Variants in LYPD6 observed in about 807,000 individuals in gnomAD.
LYPD6 encodes LY6/PLAUR domain containing 6.
A neutral mutation model predicts 22.7 loss-of-function variants in LYPD6; 15 were observed. The observed-to-expected ratio is 0.66, with a 90% CI of 0.44 to 1.02. The LOEUF (loss-of-function observed/expected upper bound fraction) is 1.02, where lower values mean the gene tolerates loss of function less well. Ranked by LOEUF, LYPD6 falls within the 50% of genes least tolerant of loss-of-function variation. The probability of loss-of-function intolerance (pLI) is 0.00; values close to 1 mark genes in which losing one functional copy is unlikely to be tolerated. For synonymous variants in LYPD6, 72 were observed against 77.5 expected (o/e 0.93, Z 0.37); for missense variants, 189 against 208.4 (o/e 0.91, Z 0.57).
chr2:149,370,467 G>T (rs1681782782), intron 1 of LYPD6: 1 of 152,026 alleles, frequency 6.6e-6, no homozygotes, highest in African/African-American at 2.4e-5. Context: ...TATATAAGAG[G>T]CGTGAGGGTG....
At chr2:149,340,014 C>T (rs1004419817) in intron 1 of LYPD6, among the ~76,000 whole-genome samples, 1 of 152,080 alleles carries the variant, frequency 6.6e-6, no homozygotes, top group Non-Finnish European at 1.5e-5. Flanking sequence ...TAAAGGAATT[C>T]GTAAACCCAG....
chr2:149,465,121 T>C (rs1039147106), intron 3 of LYPD6, among the ~76,000 whole-genome samples: 2 of 152,114 alleles, frequency 1.3e-5, no homozygotes, highest in East Asian at 3.9e-4. Context: ...GGACAGAACA[T>C]GGGAGAATAT....
Position 149,359,566 on chromosome 2 carries a change from G to A in LYPD6, c.-72+28844G>A, listed in dbSNP as rs191936022. 7.9e-5 allele frequency among the ~76,000 whole-genome samples: 12 copies of A among 152,308 alleles called. No individual in the cohort carries two copies. In the East Asian group the frequency reaches 2.3e-3, roughly 29 times the overall value. ...TCTGCTTCACAGTTGGTGAAACCAA[G>A]GCCCTGACTTGACATCACTTGAGTG... On this transcript the variant is annotated intron_variant, in intron 1 of 4. Coordinates refer to ENST00000334166, the MANE Select transcript of LYPD6 (RefSeq NM_194317.5).
intron 1 of LYPD6, among the ~76,000 whole-genome samples, chr2:149,393,901 C>T (rs921316158): frequency 6.6e-6 from 1 of 152,148 alleles, no homozygotes; most frequent in African/African-American, 2.4e-5. Context: ...AGTGACAGGG[C>T]GATTTGCTCT....
At chr2:149,443,991 T>G (rs1333824354) in intron 2 of LYPD6, among the ~76,000 whole-genome samples, 1 of 146,834 alleles carries the variant, frequency 6.8e-6, no homozygotes, top group Non-Finnish European at 1.5e-5. Flanking sequence ...TGGAGTGCAG[T>G]GGTGCAATCT....
intron 1 of LYPD6, among the ~76,000 whole-genome samples, chr2:149,343,695 G>C (rs985798618): frequency 3.9e-5 from 6 of 152,184 alleles, no homozygotes; most frequent in African/African-American, 1.4e-4. Context: ...AAGATGTTGA[G>C]ATCTTTGCTT....
At chr2:149,395,300 T>G (rs1423024841) in intron 1 of LYPD6, among the ~76,000 whole-genome samples, 1 of 152,202 alleles carries the variant, frequency 6.6e-6, no homozygotes, top group African/African-American at 2.4e-5. Context: ...AAGTCTGGTA[T>G]GATGCTCCCC....
intron 1 of LYPD6, chr2:149,368,304 G>A (rs1292385880): frequency 6.6e-6 from 1 of 152,264 alleles, no homozygotes; most frequent in Non-Finnish European, 1.5e-5. Flanking sequence ...AAGCAGGAGA[G>A]CATTTGGGAC....
intron 4 of LYPD6, 31 bp downstream of exon 4, chr2:149,468,806 A>G (rs773589668): frequency 2.5e-6 from 4 of 1,609,488 alleles, no homozygotes; most frequent in Non-Finnish European, 3.4e-6. Context: ...GACCAGTACT[A>G]CATAGCCAGC....
chr2:149,475,280 T>C (rs949385422), downstream of LYPD6, among the ~76,000 whole-genome samples: 1 of 152,162 alleles, frequency 6.6e-6, no homozygotes, highest in African/African-American at 2.4e-5. Flanking sequence ...GTTATGAATC[T>C]CATTGTAACT....
At chr2:149,417,481 A>G (rs778087266) in intron 1 of LYPD6, among the ~76,000 whole-genome samples, 7 of 152,222 alleles carry the variant, frequency 4.6e-5, no homozygotes, top group Non-Finnish European at 8.8e-5. Flanking sequence ...GGCCATAGGC[A>G]TGATGAAGAA....
intron 1 of LYPD6, among the ~76,000 whole-genome samples, chr2:149,344,441 A>G (rs1681216677): frequency 6.6e-6 from 1 of 152,212 alleles, no homozygotes; most frequent in South Asian, 2.1e-4. Context: ...AAACATTTAT[A>G]CTAATAGAGG....
At position 149,473,275 on chromosome 2, in the gene LYPD6, A is replaced by C. The variant is rs545599182; in HGVS notation, c.*2425A>C. The stretch of plus-strand genomic sequence containing the variant: ...CCCAGGGAGTGCTTGCAGACTCTGC[A>C]TAGATGTTGCTGCATGTGTCCCATG... On this transcript the variant is annotated 3_prime_UTR_variant, in exon 5 of 5. Coordinates refer to ENST00000334166, the MANE Select transcript of LYPD6 (RefSeq NM_194317.5). 1.3e-5 allele frequency: 2 copies of C among 152,762 alleles called. No homozygotes were observed. Among genetic ancestry groups the C allele is most frequent in the South Asian group, 4.1e-4 (2 of 4,828 alleles). 9.5% of individuals were successfully genotyped at this position (152,762 alleles called of 1,614,324 possible).
intron 1 of LYPD6, among the ~76,000 whole-genome samples, chr2:149,412,472 T>G (rs757335828): frequency 7.7e-6 from 1 of 129,526 alleles, no homozygotes; most frequent in Non-Finnish European, 1.5e-5. Context: ...AGAGAAGCTA[T>G]TTTTGTTAAT....
At chr2:149,356,464 C>T (rs1289493111) in intron 1 of LYPD6, among the ~76,000 whole-genome samples, 1 of 152,176 alleles carries the variant, frequency 6.6e-6, no homozygotes, top group Admixed American at 6.5e-5. Context: ...CCTCAGTCTT[C>T]CCAAGTATGG....
intron 1 of LYPD6, among the ~76,000 whole-genome samples, chr2:149,384,579 G>A (rs1398473073): frequency 1.3e-5 from 2 of 152,182 alleles, no homozygotes; most frequent in Non-Finnish European, 1.5e-5. Context: ...AGGTGTGCTC[G>A]TGTTGGCACT....
intron 3 of LYPD6, among the ~76,000 whole-genome samples, chr2:149,454,680 G>C (rs1159968794): frequency 6.6e-6 from 1 of 151,936 alleles, no homozygotes; most frequent in African/African-American, 2.4e-5. Flanking sequence ...GCAAAATGAT[G>C]GTACCACTTA....
At chr2:149,397,757 G>T (rs1000729830) in intron 1 of LYPD6, among the ~76,000 whole-genome samples, 1 of 152,196 alleles carries the variant, frequency 6.6e-6, no homozygotes, top group Non-Finnish European at 1.5e-5. Context: ...TAAGTAATGT[G>T]CAGATGAAGT....
At position 149,378,150 on chromosome 2, in the gene LYPD6, T is replaced by G. The variant is rs78549488; in HGVS notation, c.-72+47428T>G. ...TATATATTTTGAGACAGGGTTTCACTCTGTCACCCAGGCTGGAATGTAGTA... is the reference window on the plus strand; with the variant it reads ...TATATATTTTGAGACAGGGTTTCACGCTGTCACCCAGGCTGGAATGTAGTA... On this transcript the variant is annotated intron_variant, in intron 1 of 4. Coordinates refer to ENST00000334166, the MANE Select transcript of LYPD6 (RefSeq NM_194317.5). Among the ~76,000 whole-genome samples the G allele has an allele frequency of 2.4e-3, 365 of 152,294 alleles. 3 individuals are homozygous for G. Among genetic ancestry groups the G allele is most frequent in the African/African-American group, 8.2e-3 (341 of 41,558 alleles).
Sources: allele counts gnomAD v4.1 joint callset (sites outside exome capture counted in the v4.1 genomes callset), GRCh38; gene constraint gnomAD v4.1.1; transcripts MANE v1.5; gene names NCBI Gene and HGNC (gene_info 2026-07-23, HGNC 2026-07-21).